BMP5: variants seen among roughly 807,000 people sequenced by gnomAD.
BMP5 encodes bone morphogenetic protein 5.
In BMP5, 23 loss-of-function variants were observed where a neutral mutation model predicts 46.6. The observed-to-expected ratio is 0.49, with a 90% CI of 0.35 to 0.70. BMP5 has a LOEUF of 0.70. BMP5 is among the 30% of genes least tolerant of loss of function. BMP5 has a pLI of 0.00. For missense variants in BMP5, 545 were observed against 565.6 expected (o/e 0.96, Z 0.37); for synonymous variants, 204 against 191.9 (o/e 1.06, Z -0.52).
chr6:55,830,754 A>C (rs892851451), intron 1 of BMP5, among the ~76,000 whole-genome samples: 1 of 152,140 alleles, frequency 6.6e-6, no homozygotes, highest in African/African-American at 2.4e-5. Flanking sequence ...GAAAAGGCTG[A>C]ATTAAAACAA....
intron 1 of BMP5, among the ~76,000 whole-genome samples, chr6:55,820,715 GTGT>G (rs1283143382): frequency 1.4e-5 from 2 of 144,512 alleles, no homozygotes; most frequent in South Asian, 2.1e-4. Flanking sequence ...ACTCTGCCCC[GTGT>G]TGTTTGTTTG....
intron 1 of BMP5, among the ~76,000 whole-genome samples, chr6:55,853,330 C>T (rs1777301097): frequency 1.4e-5 from 2 of 147,804 alleles, no homozygotes; most frequent in South Asian, 4.4e-4. Context: ...CTCCCCCTCC[C>T]CCTCCCCCGC....
intron 3 of BMP5, among the ~76,000 whole-genome samples, chr6:55,776,501 C>A (rs543850256): frequency 1.7e-4 from 25 of 150,862 alleles, no homozygotes; most frequent in Non-Finnish European, 3.1e-4. Flanking sequence ...GAATAACTAG[C>A]AATCTGTTCT....
chr6:55,775,775 T>C lies in BMP5; in HGVS notation c.833-1532A>G, dbSNP rs1040252803. On this transcript the variant is annotated intron_variant, in intron 3 of 6. Transcript: ENST00000370830. ...AATAAACCCTTGCTCTTAACAAAAT[T>C]TATTTTGGCAGCATAAAAACTTTTG... 2.6e-5 allele frequency among the ~76,000 whole-genome samples: 4 copies of C among 151,882 alleles called. No individual in the cohort carries two copies. In the South Asian group the frequency reaches 8.3e-4, roughly 32 times the overall value.
chr6:55,779,314 C>T (rs1375043014), intron 3 of BMP5, among the ~76,000 whole-genome samples: 1 of 152,026 alleles, frequency 6.6e-6, no homozygotes, highest in East Asian at 1.9e-4. Context: ...TAACCCAAAA[C>T]ACCTGTGATG....
chr6:55,850,078 T>C (rs544987774), intron 1 of BMP5, among the ~76,000 whole-genome samples: 1 of 152,276 alleles, frequency 6.6e-6, no homozygotes, highest in Admixed American at 6.5e-5. Flanking sequence ...TGTTTATCTC[T>C]AATACATCAC....
chr6:55,865,406 C>G (rs1464743102), intron 1 of BMP5: 3 of 505,858 alleles, frequency 5.9e-6, no homozygotes, highest in South Asian at 4.3e-5. Flanking sequence ...GGACTCTGAC[C>G]AAAGGTAGTA....
chr6:55,800,328 T>G (rs1414129382), intron 2 of BMP5, among the ~76,000 whole-genome samples: 1 of 152,210 alleles, frequency 6.6e-6, no homozygotes, highest in African/African-American at 2.4e-5. Flanking sequence ...AGACAACATG[T>G]GAATTAAAAT....
chr6:55,806,232 A>G (rs1180484555), intron 2 of BMP5, among the ~76,000 whole-genome samples: 1 of 152,078 alleles, frequency 6.6e-6, no homozygotes, highest in African/African-American at 2.4e-5. Flanking sequence ...GTCCATCTTG[A>G]GTTAATTTTT....
chr6:55,808,334 C>A (rs1007507423), intron 2 of BMP5, among the ~76,000 whole-genome samples: 2 of 152,184 alleles, frequency 1.3e-5, no homozygotes, highest in African/African-American at 4.8e-5. Context: ...TCCCTGGGTC[C>A]AGCTAAGGAA....
chr6:55,762,240 G>T (rs1289901802), intron 4 of BMP5, among the ~76,000 whole-genome samples: 2 of 151,884 alleles, frequency 1.3e-5, no homozygotes, highest in African/African-American at 4.8e-5. Flanking sequence ...AAATATTAAA[G>T]AAATAAAATT....
At chr6:55,772,921 TAAAAAC>T (rs1775081022) in intron 4 of BMP5, 1 of 984,814 alleles carries the variant, frequency 1.0e-6, no homozygotes, top group African/African-American at 1.7e-5. Flanking sequence ...TCTGAGCAAA[TAAAAAC>T]AAACAAATAA....
chr6:55,782,430 T>C (rs1319788361), intron 3 of BMP5, among the ~76,000 whole-genome samples: 2 of 152,170 alleles, frequency 1.3e-5, no homozygotes, highest in Admixed American at 6.6e-5. Context: ...CCATCTAGCC[T>C]GCCCCACATA....
intron 2 of BMP5, among the ~76,000 whole-genome samples, chr6:55,811,095 G>C (rs1266766185): frequency 6.6e-6 from 1 of 152,164 alleles, no homozygotes; most frequent in African/African-American, 2.4e-5. Flanking sequence ...TGAGTGTCCT[G>C]TTCTGGCACC....
At chr6:55,784,154 A>C (rs1327991358) in intron 3 of BMP5, among the ~76,000 whole-genome samples, 2 of 151,814 alleles carry the variant, frequency 1.3e-5, no homozygotes, top group Admixed American at 6.6e-5. Flanking sequence ...GATGTTCTTA[A>C]GTATGATCAA....
chr6:55,837,147 G>A (rs1007529242), intron 1 of BMP5, among the ~76,000 whole-genome samples: 10 of 151,824 alleles, frequency 6.6e-5, no homozygotes, highest in African/African-American at 2.4e-4. Context: ...TGCCTCCTGG[G>A]CTCAAGCCAT....
At chr6:55,810,140 T>C (rs1776094370) in intron 2 of BMP5, among the ~76,000 whole-genome samples, 1 of 152,130 alleles carries the variant, frequency 6.6e-6, no homozygotes, top group South Asian at 2.1e-4. Flanking sequence ...GAATTTGAAT[T>C]GGGTTTCAAT....
At chr6:55,776,166 T>C (rs1158501454) in intron 3 of BMP5, among the ~76,000 whole-genome samples, 1 of 152,026 alleles carries the variant, frequency 6.6e-6, no homozygotes, top group African/African-American at 2.4e-5. Context: ...CCAGAGTCTA[T>C]ATTTTTTAGA....
In BMP5 at chr6:55,840,459, A is replaced by G. The variant is rs368684160; in HGVS notation, c.491-20612T>C. On this transcript the variant is annotated intron_variant, in intron 1 of 6. Coordinates refer to ENST00000370830, the MANE Select transcript of BMP5 (RefSeq NM_021073.4). ...TCTTTATCTGAGAGGGAACACACTC[A>G]GTATTTTACTTTCCAATATAATGTT... Among the ~76,000 whole-genome samples the G allele has an allele frequency of 5.3e-4, 81 of 152,278 alleles. No individual in the cohort carries two copies. In the South Asian group the frequency reaches 0.016, roughly 31 times the overall value.
Sources: allele counts gnomAD v4.1 joint callset (sites outside exome capture counted in the v4.1 genomes callset), GRCh38; gene constraint gnomAD v4.1.1; transcripts MANE v1.5; gene names NCBI Gene and HGNC (gene_info 2026-07-23, HGNC 2026-07-21).